Variants in ASGR1 observed in about 807,000 individuals in gnomAD.
ASGR1 encodes C-type lectin domain family 4 member H1.
ASGR1 carries 35 observed loss-of-function variants against 33.1 expected under a neutral mutation model. The observed-to-expected ratio is 1.06, with a 90% CI of 0.81 to 1.40. The LOEUF is 1.40. Ranked by LOEUF, ASGR1 falls within the 40% of genes most tolerant of loss-of-function variation. The pLI is 0.00. For missense variants in ASGR1, 396 were observed against 373.7 expected (o/e 1.06, Z -0.49); for synonymous variants, 142 against 152.5 (o/e 0.93, Z 0.51).
In ASGR1 at chr17:7,175,690, C is replaced by T. The variant is rs577766907; in HGVS notation, c.355+1140G>A. Among the ~76,000 whole-genome samples, 387 of 151,176 alleles carry T rather than the reference C, an allele frequency of 2.6e-3. 3 individuals carry two copies. Among genetic ancestry groups the T allele is most frequent in the African/African-American group, 9.1e-3 (370 of 40,884 alleles). ...AAACACAGACTCACATTCGCACACA[C>T]ACCCACACTCCCTCATTCTCACACA... On this transcript the variant is annotated intron_variant, in intron 5 of 8. Coordinates refer to ENST00000269299, the MANE Select transcript of ASGR1 (RefSeq NM_001671.5).
chr17:7,177,958 C>T (rs1239187402), intron 2 of ASGR1: 1 of 162,704 alleles, frequency 6.1e-6, no homozygotes, highest in African/African-American at 2.4e-5. Context: ...CTAAACAATT[C>T]CCTGCTCGGA....
intron 5 of ASGR1, among the ~76,000 whole-genome samples, chr17:7,176,396 A>C (rs1049052481): frequency 7.2e-6 from 1 of 139,112 alleles, no homozygotes; most frequent in Non-Finnish European, 1.5e-5. Flanking sequence ...ACTCACACAC[A>C]CCTCATTATC....
Position 7,176,832 on chromosome 17 carries a change from T to G in ASGR1, c.353A>C (p.Glu118Ala). Residue 118 changes from glutamate to alanine, a missense_variant and splice_region_variant, in exon 5 of 9, where the codon GAA becomes GCA. By Grantham distance (107) the Glu-to-Ala change is moderately radical (BLOSUM62 -1). Coordinates refer to ENST00000269299, the MANE Select transcript of ASGR1 (RefSeq NM_001671.5). Reference protein sequence around the residue: ...QLEKQQKDLSEDHSSLLLHVK... With the variant: ...QLEKQQKDLSADHSSLLLHVK... ...CACACACACACTCCCTCTCTGACCT[T>G]CACTCAGGTCCTTCTGCTGTTTCTC... 6.2e-7 allele frequency: 1 copy of G among 1,612,034 alleles called. No individual in the cohort carries two copies. The highest frequency in any genetic ancestry group is 1.7e-5 in the Admixed American group (1 of 59,970).
intron 5 of ASGR1, among the ~76,000 whole-genome samples, chr17:7,176,288 TTC>T (rs1377994269): frequency 1.6e-5 from 2 of 128,446 alleles, no homozygotes; most frequent in Non-Finnish European, 3.2e-5. Flanking sequence ...CCCCATCTCA[TTC>T]TCACACTCAC....
chr17:7,173,928 C>A lies in ASGR1; in HGVS notation c.701+33G>T. 1 of 1,613,132 alleles carries A rather than the reference C, an allele frequency of 6.2e-7. No individual in the cohort carries two copies. The highest frequency in any genetic ancestry group is 8.5e-7 in the Non-Finnish European group (1 of 1,179,634). On this transcript the variant is annotated intron_variant, in intron 8 of 8. Transcript: ENST00000269299. The surrounding 1 kb of genome is among the most constrained non-coding windows in gnomAD (Gnocchi z 4.7). ...CCAGGGCCCCAGGGCGCGAAGGCGG[C>A]CGGACCCAGGCCGAGGGAGGGCGCG...
intron 5 of ASGR1, among the ~76,000 whole-genome samples, chr17:7,175,919 A>T (rs2069195986): frequency 1.4e-5 from 2 of 145,652 alleles, no homozygotes; most frequent in Admixed American, 1.4e-4. Flanking sequence ...TCACAGACAC[A>T]ATCCCTCTCA....
At chr17:7,174,740 T>TAC (rs1213345127) in intron 5 of ASGR1, among the ~76,000 whole-genome samples, 1 of 136,976 alleles carries the variant, frequency 7.3e-6, no homozygotes, top group Non-Finnish European at 1.6e-5. Context: ...CTAACCCACA[T>TAC]ACACACACAC....
chr17:7,175,664 T>C (rs2069189977), intron 5 of ASGR1, among the ~76,000 whole-genome samples: 1 of 145,724 alleles, frequency 6.9e-6, no homozygotes. Flanking sequence ...CTCACACACA[T>C]AAACACAGAC....
chr17:7,174,421 G>T lies in ASGR1; in HGVS notation c.395C>A (p.Ser132Tyr). The change falls in exon 6 of 9, where the codon TCT becomes TAT. Residue 132 changes from serine to tyrosine, a missense_variant. Physicochemically the swap from Ser to Tyr is moderately radical, Grantham distance 144 (BLOSUM62 -2). Coordinates refer to ENST00000269299, the MANE Select transcript of ASGR1 (RefSeq NM_001671.5). ...SLLLHVKQFVSDLRSLSCQMA... is the reference protein window; with the variant it reads ...SLLLHVKQFVYDLRSLSCQMA... Reference sequence around the variant, plus strand: ...CTGACAGCTCAGGCTCCGCAGGTCAGACACGAACTGCTTCACGTGGAGCAG... The same window carrying T: ...CTGACAGCTCAGGCTCCGCAGGTCATACACGAACTGCTTCACGTGGAGCAG... 1 of 1,613,810 alleles carries T rather than the reference G, an allele frequency of 6.2e-7. No homozygotes were observed. The highest frequency in any genetic ancestry group is 1.1e-5 in the South Asian group (1 of 91,044).
chr17:7,174,167 G>T lies in ASGR1; in HGVS notation c.565C>A (p.Leu189Met), dbSNP rs754264930. ...TCCTCCCAGGACGTGACCACCACCA[G>T]GTGCGCGTCCTCCAGCCGGCAGTAG... ...DNYCRLEDAH[L>M]VVVTSWEEQK... The change falls in exon 7 of 9, where the codon CTG becomes ATG. Residue 189 changes from leucine to methionine, a missense_variant. By Grantham distance (15) the Leu-to-Met change is conservative (BLOSUM62 2). Transcript: ENST00000269299. 6.2e-7 allele frequency: 1 copy of T among 1,614,020 alleles called. No homozygotes were observed. Among genetic ancestry groups the T allele is most frequent in the African/African-American group, 1.3e-5 (1 of 74,936 alleles).
chr17:7,176,518 CT>C lies in ASGR1; in HGVS notation c.355+311del, dbSNP rs1597423657. On this transcript the variant is annotated intron_variant, in intron 5 of 8. Coordinates refer to ENST00000269299, the MANE Select transcript of ASGR1 (RefSeq NM_001671.5). ...ATTCTCACACTCAGACACACACCCCCTCTCATTCCCACACACACACCATCTC... is the reference window on the plus strand; with the variant it reads ...ATTCTCACACTCAGACACACACCCCCCTCATTCCCACACACACACCATCTC... 1.1e-5 allele frequency: 5 copies of C among 463,666 alleles called. No homozygotes were observed. The East Asian group carries it at 1.3e-4, about 12-fold the overall frequency. The allele number at this position is 463,666 out of a possible 1,614,324, so 28.7% of individuals were successfully genotyped here.
chr17:7,178,247 C>T, intron 2 of ASGR1: 1 of 541,874 alleles, frequency 1.8e-6, no homozygotes, highest in Non-Finnish European at 3.3e-6. Flanking sequence ...TTCCCACACC[C>T]CCGGGTCCAC....
rs769023033 is a variant in ASGR1 at position 7,173,804 on chromosome 17, C to T, written c.731G>A (p.Trp244Ter). The T allele has an allele frequency of 1.2e-6, 2 of 1,611,720 alleles. No homozygotes were observed. The highest frequency in any genetic ancestry group is 1.7e-6 in the Non-Finnish European group (2 of 1,179,642). The change falls in exon 9 of 9, where the codon TGG becomes TAG. Residue 244 changes from tryptophan to a stop codon, truncating the protein, a stop_gained. Transcript: ENST00000269299. LOFTEE classifies it low-confidence loss of function (END_TRUNC). This position sits in a 1 kb window ranked among gnomAD's most constrained non-coding sequence, Gnocchi z 4.7. ...GCCTCCTCCGAGCCCGTGGCCGTAC[C>T]AGTCGTCCGGCTGCTCCGGCCTCCA... ...KNWRPEQPDD[W>*]YGHGLGGGED... is the part of the protein sequence containing the mutation.
chr17:7,178,487 C>T lies in ASGR1; in HGVS notation c.70+7G>A, dbSNP rs749587351. On this transcript the variant is annotated splice_region_variant and intron_variant, in intron 2 of 8. Coordinates refer to ENST00000269299, the MANE Select transcript of ASGR1 (RefSeq NM_001671.5). ...GCCTTGCAGAGGCAGGGCAAGGTGG[C>T]CCTCACCTTTTCTGAGCTGATGGTG... is the stretch of plus-strand genomic sequence containing the variant. 1.3e-5 allele frequency: 21 copies of T among 1,613,452 alleles called. No individual in the cohort carries two copies. In the East Asian group the frequency reaches 2.2e-4, roughly 17 times the overall value.
At chr17:7,176,227 ACACACT>A (rs1273411405) in intron 5 of ASGR1, among the ~76,000 whole-genome samples, 65 of 137,844 alleles carry the variant, frequency 4.7e-4, no homozygotes, top group Middle Eastern at 4.2e-3. Context: ...ACAAACACAC[ACACACT>A]CACAGACACA....
Position 7,173,753 on chromosome 17 carries a change from T to A in ASGR1, c.782A>T (p.Asp261Val). 2 of 1,613,650 alleles carry A rather than the reference T, an allele frequency of 1.2e-6. No homozygotes were observed. Among genetic ancestry groups the A allele is most frequent in the Non-Finnish European group, 1.7e-6 (2 of 1,180,014 alleles). Residue 261 changes from aspartate (D) to valine (V), a missense_variant, in exon 9 of 9, where the codon GAC (aspartate) becomes GTC (valine). Asp to Val is a radical substitution (Grantham distance 152). Coordinates refer to ENST00000269299, the MANE Select transcript of ASGR1 (RefSeq NM_001671.5). This position sits in a 1 kb window ranked among gnomAD's most constrained non-coding sequence, Gnocchi z 4.7. ...GGEDCAHFTD[D>V]GRWNDDVCQR... The stretch of plus-strand genomic sequence containing the variant: ...GCAGACGTCGTCGTTCCAGCGGCCG[T>A]CGTCGGTGAAGTGGGCACAGTCCTC...
Position 7,177,362 on chromosome 17 carries a change from G to C in ASGR1, c.71-36C>G, listed in dbSNP as rs367845597. ...AGGGGGTGTCAGGAGCGCGGGGACA[G>C]AGGGGACCCTGGCACAGCTCCAGGG... On this transcript the variant is annotated intron_variant, in intron 2 of 8. Transcript: ENST00000269299. 907 of 1,571,222 alleles carry C rather than the reference G, an allele frequency of 5.8e-4. 1 individual carries two copies. Among genetic ancestry groups the C allele is most frequent in the Non-Finnish European group, 7.5e-4 (857 of 1,144,162 alleles).
chr17:7,177,318 G>A lies in ASGR1; in HGVS notation c.79C>T (p.Pro27Ser), dbSNP rs1286623669. The change falls in exon 3 of 9, where the codon CCT becomes TCT. Residue 27 changes from proline to serine, a missense_variant. Physicochemically the swap from Pro to Ser is moderately conservative, Grantham distance 74 (BLOSUM62 -1). Transcript: ENST00000269299. ...AGACGCTGCAGGAGGGGCTGGGGAG[G>A]AGGTGGCCCTGCAAGAGGAGGGGGT... is the stretch of plus-strand genomic sequence containing the variant. ...DHHQLRKGPP[P>S]PQPLLQRLCS... The A allele has an allele frequency of 4.3e-6, 7 of 1,613,368 alleles. No individual in the cohort carries two copies. In the Admixed American group the frequency reaches 1.0e-4, roughly 23 times the overall value.
chr17:7,176,701 GACTC>G (rs1188463069), intron 5 of ASGR1, 125 bp downstream of exon 5: 9 of 1,289,186 alleles, frequency 7.0e-6, no homozygotes, highest in East Asian at 2.5e-5. Context: ...CTCACACACA[GACTC>G]ACACACACAC....
Sources: allele counts gnomAD v4.1 joint callset (sites outside exome capture counted in the v4.1 genomes callset), GRCh38; gene constraint gnomAD v4.1.1; non-coding constraint Gnocchi (gnomAD v3.1); transcripts MANE v1.5; gene names NCBI Gene and HGNC (gene_info 2026-07-23, HGNC 2026-07-21).